The following CRACD variants were observed in gnomAD, a reference collection of about 807,000 sequenced individuals.
CRACD encodes the protein capping protein inhibiting regulator of actin dynamics, also known as capping protein-inhibiting regulator of actin dynamics.
Under a neutral mutation model 106.8 loss-of-function variants are expected in CRACD, and 56 were observed. The ratio of observed to expected loss-of-function variants is 0.52; its 90% confidence interval spans 0.42 to 0.66. The LOEUF (loss-of-function observed/expected upper bound fraction) is 0.66. Among genes scored for constraint, CRACD ranks in the 30% least tolerant of loss-of-function variants. CRACD has a pLI of 0.00. For missense variants in CRACD, 1,730 were observed against 1,623.2 expected, an observed-to-expected ratio of 1.07 and a Z score of -1.13; for synonymous variants, 754 against 670.8, an observed-to-expected ratio of 1.12 and a Z score of -1.92.
intron 1 of CRACD, among the ~76,000 whole-genome samples, chr4:56,087,450 C>T (rs1733266503): frequency 6.6e-6 from 1 of 152,174 alleles, no homozygotes. Context: ...TTTCTTGGAT[C>T]TTCCTCTCGC....
rs1746560780 is a variant in CRACD at position 56,327,878 on chromosome 4, A to G, written c.*74A>G. On this transcript the variant is annotated 3_prime_UTR_variant, in exon 11 of 11. Transcript: ENST00000682029. ...CCCTTTTTATTTATTTATTTTTTAT[A>G]TGGGGTAAAGAAATCAAGCTAGGGA... The G allele has an allele frequency of 3.0e-6, 4 of 1,328,872 alleles. No homozygotes were observed. Among genetic ancestry groups the G allele is most frequent in the Middle Eastern group, 3.8e-4 (2 of 5,290 alleles). 82.3% of individuals were successfully genotyped at this position (1,328,872 alleles called of 1,614,324 possible).
chr4:56,201,275 C>G (rs1737867009), intron 2 of CRACD, among the ~76,000 whole-genome samples: 2 of 152,166 alleles, frequency 1.3e-5, no homozygotes, highest in South Asian at 2.1e-4. Context: ...GTGATGCTTT[C>G]TAAAATAAAC....
chr4:56,300,393 A>G (rs1296372991), intron 4 of CRACD, among the ~76,000 whole-genome samples: 1 of 152,132 alleles, frequency 6.6e-6, no homozygotes, highest in Non-Finnish European at 1.5e-5. Flanking sequence ...ATGTCCTTCA[A>G]ATCTTAGCAT....
intron 2 of CRACD, among the ~76,000 whole-genome samples, chr4:56,214,332 C>T (rs1035020814): frequency 8.2e-4 from 124 of 152,070 alleles, no homozygotes; most frequent in African/African-American, 2.8e-3. Flanking sequence ...CGATGGCTTA[C>T]GCCTATAATT....
In CRACD at chr4:56,315,363, C is replaced by T. The variant is rs769529519; in HGVS notation, c.1861C>T (p.Leu621Phe). The change falls in exon 8 of 11, where the codon CTC becomes TTC. Residue 621 changes from leucine to phenylalanine, a missense_variant. This residue lies in a region of CRACD where 1,620 missense variants were observed against 1,481.6 expected (regional missense o/e 1.09). Coordinates refer to ENST00000682029, the MANE Select transcript of CRACD (RefSeq NM_001393381.1). This position sits in a 1 kb window ranked among gnomAD's most constrained non-coding sequence, Gnocchi z 4.1. ...SQIKDTACKS[L>F]LGLEEKKHAE... ...GATCAAGGACACCGCGTGCAAGTCC[C>T]TCCTGGGCTTGGAGGAGAAGAAGCA... 1 of 1,613,658 alleles carries T rather than the reference C, an allele frequency of 6.2e-7. No individual in the cohort carries two copies. The highest frequency in any genetic ancestry group is 1.1e-5 in the South Asian group (1 of 91,062).
At chr4:56,231,148 A>G (rs1383675283) in intron 2 of CRACD, among the ~76,000 whole-genome samples, 2 of 152,184 alleles carry the variant, frequency 1.3e-5, no homozygotes, top group East Asian at 1.9e-4. Context: ...CTTCTAGGCT[A>G]TGTTCTTGTA....
At chr4:56,252,272 TACC>T (rs1378096735) in intron 2 of CRACD, among the ~76,000 whole-genome samples, 6 of 152,120 alleles carry the variant, frequency 3.9e-5, no homozygotes, top group African/African-American at 7.2e-5. Context: ...TACACACACA[TACC>T]ACCATCACAA....
At chr4:56,309,598 A>G (rs1305878067) in intron 5 of CRACD, among the ~76,000 whole-genome samples, 1 of 152,204 alleles carries the variant, frequency 6.6e-6, no homozygotes, top group East Asian at 1.9e-4. Flanking sequence ...TCATGCCTGT[A>G]ATCCCAGCAC....
chr4:56,232,438 T>C lies in CRACD; in HGVS notation c.-188-39883T>C, dbSNP rs541576873. 1.5e-3 allele frequency among the ~76,000 whole-genome samples: 223 copies of C among 152,312 alleles called. 1 individual carries two copies. Among genetic ancestry groups the C allele is most frequent in the African/African-American group, 4.5e-3 (188 of 41,572 alleles). ...GATTGTTTCCTATGTGGAGCTTCTG[T>C]GAATATTCTAGATGTCTTTCATTTT... is the stretch of plus-strand genomic sequence containing the variant. On this transcript the variant is annotated intron_variant, in intron 2 of 10. Coordinates refer to ENST00000682029, the MANE Select transcript of CRACD (RefSeq NM_001393381.1).
At chr4:56,214,988 A>G (rs909248381) in intron 2 of CRACD, among the ~76,000 whole-genome samples, 1 of 151,996 alleles carries the variant, frequency 6.6e-6, no homozygotes, top group Non-Finnish European at 1.5e-5. Context: ...CAACAGTGCA[A>G]GACTCCATCT....
intron 1 of CRACD, among the ~76,000 whole-genome samples, chr4:56,177,758 G>C (rs1736649581): frequency 6.6e-6 from 1 of 152,120 alleles, no homozygotes; most frequent in Admixed American, 6.5e-5. Flanking sequence ...GGATGTAGGA[G>C]AGTAACCATT....
chr4:56,183,711 A>G (rs1736956065), intron 2 of CRACD, among the ~76,000 whole-genome samples: 1 of 152,240 alleles, frequency 6.6e-6, no homozygotes, highest in Non-Finnish European at 1.5e-5. Flanking sequence ...TTCACGAACT[A>G]GAGCATGAGG....
intron 3 of CRACD, among the ~76,000 whole-genome samples, chr4:56,286,419 G>A (rs1167244107): frequency 2.0e-5 from 3 of 148,258 alleles, no homozygotes; most frequent in Non-Finnish European, 3.0e-5. Context: ...CAAAAAACTC[G>A]GGAGGCCGAG....
At chr4:56,310,770 C>A in intron 6 of CRACD, 36 bp downstream of exon 6, 1 of 1,420,048 alleles carries the variant, frequency 7.0e-7, no homozygotes, top group Non-Finnish European at 9.9e-7. Context: ...TGGCTTCTTT[C>A]CTTACTTAAC....
chr4:56,139,542 G>C (rs1335972436), intron 1 of CRACD, among the ~76,000 whole-genome samples: 1 of 152,202 alleles, frequency 6.6e-6, no homozygotes, highest in Non-Finnish European at 1.5e-5. Flanking sequence ...AGAAAGAGGA[G>C]GTTCTGAAGG....
chr4:56,209,434 T>C (rs1738290609), intron 2 of CRACD, among the ~76,000 whole-genome samples: 1 of 152,166 alleles, frequency 6.6e-6, no homozygotes, highest in Non-Finnish European at 1.5e-5. Flanking sequence ...TGCTTTTATA[T>C]ACTATACAGA....
At chr4:56,119,131 T>C (rs1272440000) in intron 1 of CRACD, among the ~76,000 whole-genome samples, 1 of 152,202 alleles carries the variant, frequency 6.6e-6, no homozygotes, top group Non-Finnish European at 1.5e-5. Flanking sequence ...AAGCATTTTA[T>C]ATGCATCATC....
At chr4:56,251,895 T>C (rs1741074632) in intron 2 of CRACD, among the ~76,000 whole-genome samples, 1 of 152,242 alleles carries the variant, frequency 6.6e-6, no homozygotes, top group Admixed American at 6.5e-5. Context: ...GCCATTTTTC[T>C]TGATCAGTAT....
intron 4 of CRACD, among the ~76,000 whole-genome samples, chr4:56,306,433 A>G (rs1560528188): frequency 6.6e-6 from 1 of 152,046 alleles, no homozygotes; most frequent in African/African-American, 2.4e-5. Flanking sequence ...GAATCATCTG[A>G]ACCTGGGAAT....
Sources: allele counts gnomAD v4.1 joint callset (sites outside exome capture counted in the v4.1 genomes callset), GRCh38; gene constraint gnomAD v4.1.1; regional missense constraint gnomAD v4.1.1; non-coding constraint Gnocchi (gnomAD v3.1); transcripts MANE v1.5; gene names NCBI Gene and HGNC (gene_info 2026-07-23, HGNC 2026-07-21).